The following SLC2A5 variants were observed in gnomAD, a reference collection of about 807,000 sequenced individuals.
SLC2A5 encodes solute carrier family 2 member 5.
A neutral mutation model predicts 50.3 loss-of-function variants in SLC2A5; 56 were observed. The observed-to-expected ratio is 1.11, with a 90% CI of 0.90 to 1.39. SLC2A5 has a LOEUF of 1.39. Among genes scored for constraint, SLC2A5 ranks in the 40% most tolerant of loss-of-function variants. SLC2A5 has a pLI of 0.00. For missense variants in SLC2A5, 566 were observed against 650.1 expected, an observed-to-expected ratio of 0.87 and a Z score of 1.41; for synonymous variants, 269 against 281.9, an observed-to-expected ratio of 0.95 and a Z score of 0.46.
chr1:9,041,650 C>T lies in SLC2A5; in HGVS notation c.571+135G>A, dbSNP rs201872288. On this transcript the variant is annotated intron_variant, in intron 5 of 11. Transcript: ENST00000377424. Reference sequence around the variant, plus strand: ...GTTGGCTCGGGACAGGATGGGCCCCCCAAGGACATCCAGCCTGTTAGAAGA... The same window carrying T: ...GTTGGCTCGGGACAGGATGGGCCCCTCAAGGACATCCAGCCTGTTAGAAGA... 336 of 1,536,912 alleles carry T rather than the reference C, an allele frequency of 2.2e-4. 1 individual carries two copies. The African/African-American group carries it at 4.3e-3, about 20-fold the overall frequency.
chr1:9,081,276 AAAACC>A (rs1557685759), intron 2 of SLC2A5, among the ~76,000 whole-genome samples: 9 of 141,448 alleles, frequency 6.4e-5, no homozygotes, highest in East Asian at 4.2e-4. Flanking sequence ...AAAAAAAAAA[AAAACC>A]CCAAAAAAAA....
chr1:9,078,733 G>A (rs1642319713), intron 2 of SLC2A5, among the ~76,000 whole-genome samples: 1 of 152,154 alleles, frequency 6.6e-6, no homozygotes, highest in Non-Finnish European at 1.5e-5. Flanking sequence ...CAGCTATCAG[G>A]AACAAAGTGT....
At position 9,053,580 on chromosome 1, in the gene SLC2A5, A is replaced by T. The variant is rs1439361431; in HGVS notation, c.293+3868T>A. Among the ~76,000 whole-genome samples, 50 of 120,832 alleles carry T rather than the reference A, an allele frequency of 4.1e-4. 1 individual carries two copies. The highest frequency in any genetic ancestry group is 3.8e-3 in the Middle Eastern group (1 of 264). 79.3% of individuals were successfully genotyped at this position (120,832 alleles called of 152,430 possible). A position where few individuals can be genotyped will look rare whatever the true frequency, so the allele number is the denominator to read the frequency against. On this transcript the variant is annotated intron_variant, in intron 3 of 11. Coordinates refer to ENST00000377424, the MANE Select transcript of SLC2A5 (RefSeq NM_003039.3). The stretch of plus-strand genomic sequence containing the variant: ...ATATATTATATATATTTATATATAT[A>T]TTTTTTAAATAGGCAGGGCACAGTG...
At chr1:9,047,783 C>G (rs374281489) in intron 3 of SLC2A5, 49 bp from the exon 4 acceptor site, 24 of 1,596,720 alleles carry the variant, frequency 1.5e-5, no homozygotes, top group Non-Finnish European at 2.0e-5. Context: ...TTCACTCTTT[C>G]ATTCAAGAAA....
At chr1:9,083,968 C>G (rs1642378475) in intron 2 of SLC2A5, among the ~76,000 whole-genome samples, 1 of 151,990 alleles carries the variant, frequency 6.6e-6, no homozygotes, top group Non-Finnish European at 1.5e-5. Context: ...CACGGTGAAA[C>G]CCCGTCTCTA....
intron 1 of SLC2A5, among the ~76,000 whole-genome samples, chr1:9,060,037 C>T (rs1641873354): frequency 6.8e-6 from 1 of 146,234 alleles, no homozygotes; most frequent in South Asian, 2.2e-4. Flanking sequence ...TACACACATA[C>T]AGTACACACA....
chr1:9,056,248 C>A (rs1641747232), intron 3 of SLC2A5, among the ~76,000 whole-genome samples: 2 of 152,048 alleles, frequency 1.3e-5, no homozygotes, highest in Admixed American at 6.6e-5. Flanking sequence ...TGCGATGGTG[C>A]GATCTTAGCT....
intron 3 of SLC2A5, among the ~76,000 whole-genome samples, chr1:9,053,670 T>C (rs1410651932): frequency 1.4e-5 from 2 of 145,662 alleles, no homozygotes; most frequent in East Asian, 3.9e-4. Flanking sequence ...GGTCAGGAGT[T>C]CAAGACCAGC....
At chr1:9,038,769 G>T in intron 9 of SLC2A5, 59 bp downstream of exon 9, 1 of 1,508,950 alleles carries the variant, frequency 6.6e-7, no homozygotes. Context: ...CGCAGGATGG[G>T]AGGGGCACTG....
At chr1:9,053,212 T>C (rs1641639528) in intron 3 of SLC2A5, among the ~76,000 whole-genome samples, 2 of 90,776 alleles carry the variant, frequency 2.2e-5, no homozygotes, top group Admixed American at 3.9e-4. Flanking sequence ...ATTATATTTA[T>C]ATATTATATA....
In SLC2A5 at chr1:9,040,132, A is replaced by G; in HGVS notation, c.629T>C (p.Leu210Pro). 6.3e-7 allele frequency: 1 copy of G among 1,592,312 alleles called. No individual in the cohort carries two copies. The highest frequency in any genetic ancestry group is 8.5e-7 in the Non-Finnish European group (1 of 1,169,834). Residue 210 changes from leucine to proline, a missense_variant, in exon 6 of 12, where the codon CTG becomes CCG. Leu to Pro is a moderately conservative substitution (Grantham distance 98). Transcript: ENST00000377424. The surrounding 1 kb of genome is among the most constrained non-coding windows in gnomAD (Gnocchi z 4.3). ...GVPAALQLLL[L>P]PFFPESPRYL... The stretch of plus-strand genomic sequence containing the variant: ...CCTGGGGCTCTCGGGGAAGAAGGGC[A>G]GCAGAAGGAGCTGCAGCGCCGCGGG...
At chr1:9,092,189 A>G (rs1642467741), upstream of SLC2A5, among the ~76,000 whole-genome samples, 1 of 152,116 alleles carries the variant, frequency 6.6e-6, no homozygotes, top group Non-Finnish European at 1.5e-5. Context: ...TGCCTCAACC[A>G]ATCACCCAAT....
chr1:9,047,784 A>T, intron 3 of SLC2A5, 50 bp from the exon 4 acceptor site: 3 of 1,595,126 alleles, frequency 1.9e-6, no homozygotes, highest in Non-Finnish European at 2.6e-6. Context: ...TCACTCTTTC[A>T]TTCAAGAAAT....
intron 2 of SLC2A5, among the ~76,000 whole-genome samples, chr1:9,084,744 A>C (rs948776534): frequency 6.6e-6 from 1 of 152,050 alleles, no homozygotes; most frequent in Non-Finnish European, 1.5e-5. Flanking sequence ...CATCGGCCAC[A>C]CCCTTGGGTG....
chr1:9,083,230 T>A (rs12096072), intron 2 of SLC2A5, among the ~76,000 whole-genome samples: 35,695 of 152,184 alleles, frequency 0.23, 5,052 homozygotes, highest in East Asian at 0.51. Context: ...GCCCTGCTGA[T>A]TCGGGAAGAG....
At chr1:9,077,460 T>G (rs1569920370) in intron 2 of SLC2A5, among the ~76,000 whole-genome samples, 3 of 121,562 alleles carry the variant, frequency 2.5e-5, no homozygotes, top group Non-Finnish European at 5.2e-5. Context: ...CCCAGAAAAG[T>G]CTGGACGCAG....
chr1:9,059,183 C>T (rs1641840500), intron 1 of SLC2A5, among the ~76,000 whole-genome samples: 1 of 110,170 alleles, frequency 9.1e-6, no homozygotes, highest in African/African-American at 3.5e-5. Flanking sequence ...TGCTCTGTCA[C>T]CCAGGCTGGA....
chr1:9,040,138 A>G lies in SLC2A5; in HGVS notation c.623T>C (p.Leu208Pro), dbSNP rs1569839104. 6.3e-7 allele frequency: 1 copy of G among 1,586,462 alleles called. No individual in the cohort carries two copies. The highest frequency in any genetic ancestry group is 1.8e-4 in the Middle Eastern group (1 of 5,704). The part of the protein sequence containing the change: ...LTGVPAALQL[L>P]LLPFFPESPR... ...GCTCTCGGGGAAGAAGGGCAGCAGAAGGAGCTGCAGCGCCGCGGGGACCCC... is the reference window on the plus strand; with the variant it reads ...GCTCTCGGGGAAGAAGGGCAGCAGAGGGAGCTGCAGCGCCGCGGGGACCCC... Residue 208 changes from leucine to proline, a missense_variant, in exon 6 of 12, where the codon CTT (leucine) becomes CCT (proline). By Grantham distance (98) the Leu-to-Pro change is moderately conservative (BLOSUM62 -3). Coordinates refer to ENST00000377424, the MANE Select transcript of SLC2A5 (RefSeq NM_003039.3). This position sits in a 1 kb window ranked among gnomAD's most constrained non-coding sequence, Gnocchi z 4.3.
chr1:9,057,879 C>T (rs1419037728), intron 2 of SLC2A5, among the ~76,000 whole-genome samples: 2 of 152,232 alleles, frequency 1.3e-5, no homozygotes, highest in East Asian at 3.9e-4. Flanking sequence ...CTGGGAGACC[C>T]CTGGCCCCCC....
Sources: allele counts gnomAD v4.1 joint callset (sites outside exome capture counted in the v4.1 genomes callset), GRCh38; gene constraint gnomAD v4.1.1; non-coding constraint Gnocchi (gnomAD v3.1); transcripts MANE v1.5; gene names NCBI Gene and HGNC (gene_info 2026-07-23, HGNC 2026-07-21).